SATB2: variants seen among roughly 807,000 people sequenced by gnomAD.
SATB2 encodes SATB homeobox 2.
A neutral mutation model predicts 73.4 loss-of-function variants in SATB2; 1 was observed. The observed-to-expected ratio is 0.01, with a 90% CI of 0.00 to 0.06. The LOEUF is 0.06. SATB2 is among the 10% of genes least tolerant of loss of function. The pLI is 1.00. For synonymous variants in SATB2, 397 were observed against 367.0 expected (o/e 1.08, Z -0.93); for missense variants, 459 against 945.8 (o/e 0.49, Z 6.75).
chr2:199,381,048 ACT>A (rs1229891261), intron 4 of SATB2, among the ~76,000 whole-genome samples: 2 of 152,060 alleles, frequency 1.3e-5, no homozygotes, highest in Non-Finnish European at 2.9e-5. Flanking sequence ...AAAGGACAAC[ACT>A]CCTTAAATCA....
intron 2 of SATB2, among the ~76,000 whole-genome samples, chr2:199,454,886 T>C (rs1692229096): frequency 6.6e-6 from 1 of 152,148 alleles, no homozygotes; most frequent in African/African-American, 2.4e-5. Flanking sequence ...TTTATATCAT[T>C]TAAGACAAGT....
chr2:199,430,155 C>T (rs1362418180), intron 3 of SATB2, among the ~76,000 whole-genome samples: 1 of 151,888 alleles, frequency 6.6e-6, no homozygotes, highest in African/African-American at 2.4e-5. Flanking sequence ...ATGGCTACTG[C>T]CAAAAGCCTT....
intron 10 of SATB2, among the ~76,000 whole-genome samples, chr2:199,299,727 C>A (rs1321571196): frequency 2.0e-5 from 3 of 151,844 alleles, no homozygotes. Context: ...TAAGTAAAAA[C>A]GCGAGAATAA....
At chr2:199,363,222 A>G (rs1689189557) in intron 6 of SATB2, among the ~76,000 whole-genome samples, 1 of 152,192 alleles carries the variant, frequency 6.6e-6, no homozygotes, top group African/African-American at 2.4e-5. Context: ...ATCTATGCAT[A>G]CTATCAGTGA....
At chr2:199,294,448 C>A (rs1016895412) in intron 10 of SATB2, among the ~76,000 whole-genome samples, 7 of 152,160 alleles carry the variant, frequency 4.6e-5, no homozygotes, top group African/African-American at 1.4e-4. Context: ...TTATGTTATA[C>A]AACCAAAGAA....
chr2:199,407,288 C>CAAA (rs34954916), intron 3 of SATB2, among the ~76,000 whole-genome samples: 35 of 77,304 alleles, frequency 4.5e-4, no homozygotes, highest in East Asian at 1.6e-3. Flanking sequence ...TCTTGTCTCC[C>CAAA]AAAAAAAAAA....
Position 199,272,160 on chromosome 2 carries a change from A to G in SATB2, c.*51T>C, listed in dbSNP as rs1237115297. ...TAACAAAAAACTTTTAAAGAAATGA[A>G]AGCAGAAAATCCTTGGACCGATGTA... is the stretch of plus-strand genomic sequence containing the variant. On this transcript the variant is annotated 3_prime_UTR_variant, in exon 11 of 11. Coordinates refer to ENST00000417098, the MANE Select transcript of SATB2 (RefSeq NM_001172509.2). The surrounding 1 kb of genome is among the most constrained non-coding windows in gnomAD (Gnocchi z 6.7). 6.4e-7 allele frequency: 1 copy of G among 1,551,316 alleles called. No homozygotes were observed. The highest frequency in any genetic ancestry group is 8.9e-7 in the Non-Finnish European group (1 of 1,125,468).
chr2:199,419,772 G>A (rs1691109835), intron 3 of SATB2, among the ~76,000 whole-genome samples: 1 of 152,124 alleles, frequency 6.6e-6, no homozygotes, highest in Admixed American at 6.6e-5. Flanking sequence ...AATTCCTCAT[G>A]CAATTATATA....
chr2:199,335,405 A>G (rs7605085), intron 7 of SATB2, among the ~76,000 whole-genome samples: 19,452 of 152,182 alleles, frequency 0.13, 1,480 homozygotes, highest in South Asian at 0.32. Context: ...ATACATGTGT[A>G]TATGTATGTA....
At chr2:199,319,017 T>G (rs1687812932) in intron 9 of SATB2, among the ~76,000 whole-genome samples, 1 of 151,168 alleles carries the variant, frequency 6.6e-6, no homozygotes, top group African/African-American at 2.4e-5. Flanking sequence ...TTTTTTTTTG[T>G]AGAAACATAG....
At chr2:199,397,595 T>C (rs1690338209) in intron 3 of SATB2, 1 of 174,132 alleles carries the variant, frequency 5.7e-6, no homozygotes, top group Non-Finnish European at 1.2e-5. Context: ...TTTAGAAAGA[T>C]ATATGAAAGA....
At chr2:199,440,151 G>A (rs1350375931) in intron 2 of SATB2, among the ~76,000 whole-genome samples, 1 of 152,122 alleles carries the variant, frequency 6.6e-6, no homozygotes, top group African/African-American at 2.4e-5. Context: ...GCCTAAAATT[G>A]CAACCATAAA....
chr2:199,453,959 ATTAAG>A (rs915314733), intron 2 of SATB2, among the ~76,000 whole-genome samples: 6 of 152,096 alleles, frequency 3.9e-5, no homozygotes, highest in Non-Finnish European at 8.8e-5. Context: ...CTATTACTAA[ATTAAG>A]TTAATCAAGA....
At chr2:199,459,191 C>T (rs1180208830), upstream of SATB2, among the ~76,000 whole-genome samples, 1 of 152,062 alleles carries the variant, frequency 6.6e-6, no homozygotes, top group African/African-American at 2.4e-5. This position sits in a 1 kb window ranked among gnomAD's most constrained non-coding sequence, Gnocchi z 4.2. Context: ...GCTGCTCGAG[C>T]CCAGGGCTGC....
At chr2:199,461,357 T>A (rs765571217), upstream of SATB2, among the ~76,000 whole-genome samples, 19 of 152,238 alleles carry the variant, frequency 1.2e-4, no homozygotes, top group Non-Finnish European at 2.6e-4. Context: ...TTAATAGTTT[T>A]ACCTTTCGCT....
intron 5 of SATB2, among the ~76,000 whole-genome samples, chr2:199,369,951 C>T (rs1470546885): frequency 6.6e-6 from 1 of 152,110 alleles, no homozygotes; most frequent in Non-Finnish European, 1.5e-5. Flanking sequence ...CATGACAATT[C>T]TTTTCTCTGA....
upstream of SATB2, among the ~76,000 whole-genome samples, chr2:199,466,052 C>T (rs1436534749): frequency 1.3e-5 from 2 of 152,166 alleles, no homozygotes; most frequent in Admixed American, 1.3e-4. Context: ...GTGGGCTCCC[C>T]TTAGTTCGTC....
At chr2:199,333,770 G>A (rs1405577056) in intron 7 of SATB2, among the ~76,000 whole-genome samples, 1 of 152,076 alleles carries the variant, frequency 6.6e-6, no homozygotes, top group Admixed American at 6.6e-5. Context: ...AACAAATTAG[G>A]CTTTCAATAT....
chr2:199,436,464 A>C (rs187909124), intron 2 of SATB2, among the ~76,000 whole-genome samples: 154 of 152,104 alleles, frequency 1.0e-3, no homozygotes, highest in African/African-American at 3.6e-3. Context: ...CTTTGTGGTC[A>C]TTTATAAAAT....
Sources: gnomAD v4.1 joint callset for allele counts (sites outside exome capture counted in the v4.1 genomes callset) on GRCh38, gnomAD v4.1.1 for gene constraint, Gnocchi (gnomAD v3.1) non-coding constraint, MANE v1.5 for transcripts, NCBI Gene and HGNC (gene_info 2026-07-23, HGNC 2026-07-21) for gene names.